Variants in CAMSAP2 observed in about 807,000 individuals in gnomAD.
CAMSAP2 encodes the protein calmodulin regulated spectrin associated protein family member 2.
Under a neutral mutation model 146.1 loss-of-function variants are expected in CAMSAP2, and 26 were observed. The observed-to-expected ratio is 0.18, with a 90% CI of 0.13 to 0.25. The LOEUF (loss-of-function observed/expected upper bound fraction) is 0.25. CAMSAP2 is among the 10% of genes least tolerant of loss of function. The pLI is 1.00. For missense variants in CAMSAP2, 1,381 were observed against 1,759.3 expected (o/e 0.78, Z 3.85); for synonymous variants, 499 against 596.6 (o/e 0.84, Z 2.38).
chr1:200,799,998 T>G (rs1386218655), intron 2 of CAMSAP2, among the ~76,000 whole-genome samples: 1 of 152,208 alleles, frequency 6.6e-6, no homozygotes, highest in Non-Finnish European at 1.5e-5. Context: ...TTCTTAACCT[T>G]GAGTCCTAAT....
chr1:200,771,097 C>T (rs1665104078), intron 2 of CAMSAP2, among the ~76,000 whole-genome samples: 1 of 151,932 alleles, frequency 6.6e-6, no homozygotes, highest in African/African-American at 2.4e-5. Flanking sequence ...GGATGTCAAA[C>T]ACTGAGAGGC....
chr1:200,788,495 AC>A (rs775184254), intron 2 of CAMSAP2, among the ~76,000 whole-genome samples: 20 of 152,122 alleles, frequency 1.3e-4, no homozygotes, highest in Non-Finnish European at 1.8e-4. Flanking sequence ...TTGGATTCCC[AC>A]TAGCAGTGAA....
intron 1 of CAMSAP2, among the ~76,000 whole-genome samples, chr1:200,745,955 G>A (rs1664309272): frequency 6.6e-6 from 1 of 152,152 alleles, no homozygotes; most frequent in Non-Finnish European, 1.5e-5. Context: ...CAGTTAAAAA[G>A]TTTTTAAAAA....
rs1433533815 is a variant in CAMSAP2 at position 200,816,914 on chromosome 1, GTA to G, written c.645+1272_645+1273del. On this transcript the variant is annotated intron_variant, in intron 4 of 16. Coordinates refer to ENST00000358823, the MANE Select transcript of CAMSAP2 (RefSeq NM_203459.4). ...TATGTGTGTACACACACACGCGTGTGTATGTGTGTACACACACACGCGTGTGT... is the reference window on the plus strand; with the variant it reads ...TATGTGTGTACACACACACGCGTGTGTGTGTGTACACACACACGCGTGTGT... Among the ~76,000 whole-genome samples, 2 of 61,612 alleles carry G rather than the reference GTA, an allele frequency of 3.2e-5. 1 individual carries two copies. The highest frequency in any genetic ancestry group is 6.7e-5 in the Non-Finnish European group (2 of 29,788). 40.4% of individuals were successfully genotyped at this position (61,612 alleles called of 152,430 possible). A position where few individuals can be genotyped will look rare whatever the true frequency, so the allele number is the denominator to read the frequency against.
intron 2 of CAMSAP2, among the ~76,000 whole-genome samples, chr1:200,787,525 G>T (rs745779915): frequency 6.6e-6 from 1 of 152,196 alleles, no homozygotes; most frequent in African/African-American, 2.4e-5. Context: ...ATGAGGAGTT[G>T]CTTCTTACAG....
chr1:200,783,326 A>G (rs1665493048), intron 2 of CAMSAP2, among the ~76,000 whole-genome samples: 1 of 152,172 alleles, frequency 6.6e-6, no homozygotes, highest in African/African-American at 2.4e-5. Context: ...CTGGTCATTC[A>G]TACATCTTTT....
In CAMSAP2 at chr1:200,832,735, G is replaced by A; in HGVS notation, c.817G>A (p.Ala273Thr). The A allele has an allele frequency of 1.2e-6, 2 of 1,607,924 alleles. No homozygotes were observed. The highest frequency in any genetic ancestry group is 1.7e-6 in the Non-Finnish European group (2 of 1,177,500). Residue 273 changes from alanine (A) to threonine (T), a missense_variant, in exon 6 of 17, where the codon GCT becomes ACT. Physicochemically the swap from Ala to Thr is moderately conservative, Grantham distance 58. Around this residue, in one of 4 missense-constraint regions of CAMSAP2, gnomAD observed 284 missense variants for 406.9 expected, o/e 0.70. Coordinates refer to ENST00000358823, the MANE Select transcript of CAMSAP2 (RefSeq NM_203459.4). The surrounding 1 kb of genome is among the most constrained non-coding windows in gnomAD (Gnocchi z 4.2). ...DICLKETMSL[A>T]DSLYNLQLIQ... ...TTGTTTGAAAGAAACTATGTCTTTGGCTGATAGCCTGTATAATCTGCAGCT... is the reference window on the plus strand; with the variant it reads ...TTGTTTGAAAGAAACTATGTCTTTGACTGATAGCCTGTATAATCTGCAGCT...
intron 4 of CAMSAP2, among the ~76,000 whole-genome samples, chr1:200,824,798 G>C (rs1289157630): frequency 6.6e-6 from 1 of 152,154 alleles, no homozygotes; most frequent in Non-Finnish European, 1.5e-5. Flanking sequence ...GGCCAACATG[G>C]TGAAACCCCG....
intron 1 of CAMSAP2, among the ~76,000 whole-genome samples, chr1:200,751,715 A>G (rs1311089039): frequency 6.6e-6 from 1 of 152,178 alleles, no homozygotes; most frequent in Non-Finnish European, 1.5e-5. Context: ...AGTAAGGATG[A>G]AAAGATGGTG....
In CAMSAP2 at chr1:200,847,759, A is replaced by G. The variant is rs147992042; in HGVS notation, c.1262+50A>G. 7.8e-5 allele frequency: 111 copies of G among 1,428,788 alleles called. No individual in the cohort carries two copies. In the African/African-American group the frequency reaches 1.4e-3, roughly 18 times the overall value. 88.5% of individuals were successfully genotyped at this position (1,428,788 alleles called of 1,614,324 possible). On this transcript the variant is annotated intron_variant, in intron 10 of 16. Coordinates refer to ENST00000358823, the MANE Select transcript of CAMSAP2 (RefSeq NM_203459.4). The stretch of plus-strand genomic sequence containing the variant: ...TGTATTCAGATTATTAAGAAATGCA[A>G]ATTGCATCTGTGTCTCTCTTTTATT...
intron 3 of CAMSAP2, among the ~76,000 whole-genome samples, chr1:200,808,397 C>G (rs1273714335): frequency 6.6e-6 from 1 of 152,162 alleles, no homozygotes; most frequent in Non-Finnish European, 1.5e-5. Context: ...AAAATTAAAC[C>G]TTATCTGAAG....
intron 3 of CAMSAP2, among the ~76,000 whole-genome samples, chr1:200,812,864 A>G (rs528050714): frequency 2.0e-4 from 31 of 152,254 alleles, no homozygotes; most frequent in African/African-American, 6.0e-4. Flanking sequence ...TGGGTTCACT[A>G]TGTCATTCTG....
chr1:200,854,809 T>A lies in CAMSAP2; in HGVS notation c.3824-8T>A. The A allele has an allele frequency of 1.9e-6, 3 of 1,604,968 alleles. No homozygotes were observed. The highest frequency in any genetic ancestry group is 2.5e-6 in the Non-Finnish European group (3 of 1,176,496). ...ATTCAGGATCATGAATTTATCGTGT[T>A]TTTTCAGTCTCTAGCCTTTCTTTGG... On this transcript the variant is annotated splice_polypyrimidine_tract_variant and splice_region_variant and intron_variant, in intron 13 of 16. Transcript: ENST00000358823.
intron 11 of CAMSAP2, among the ~76,000 whole-genome samples, chr1:200,851,996 G>A (rs954811587): frequency 1.3e-5 from 2 of 152,192 alleles, no homozygotes; most frequent in Non-Finnish European, 2.9e-5. Flanking sequence ...CTGTAGAAGG[G>A]AAGTATAATC....
At chr1:200,764,325 A>C (rs1301411182) in intron 2 of CAMSAP2, among the ~76,000 whole-genome samples, 7 of 152,206 alleles carry the variant, frequency 4.6e-5, no homozygotes, top group African/African-American at 9.6e-5. Flanking sequence ...AAATAATGTT[A>C]GTACTAATTC....
intron 7 of CAMSAP2, among the ~76,000 whole-genome samples, 194 bp from the exon 8 acceptor site, chr1:200,844,586 AGT>A (rs1203833837): frequency 3.3e-5 from 5 of 152,162 alleles, no homozygotes; most frequent in Non-Finnish European, 7.3e-5. Context: ...TTTGAAATTA[AGT>A]CTGAATACTT....
At chr1:200,847,526 C>A in intron 9 of CAMSAP2, 114 bp from the exon 10 acceptor site, 1 of 850,814 alleles carries the variant, frequency 1.2e-6, no homozygotes, top group Non-Finnish European at 1.9e-6. Context: ...TCCTTATGTA[C>A]CTATTTAATT....
At chr1:200,783,117 A>G (rs1665486614) in intron 2 of CAMSAP2, among the ~76,000 whole-genome samples, 3 of 152,064 alleles carry the variant, frequency 2.0e-5, no homozygotes, top group African/African-American at 7.2e-5. Context: ...TTAAGCTATC[A>G]AGCAATTTTC....
chr1:200,824,978 C>CAAAT (rs532222491), intron 4 of CAMSAP2, among the ~76,000 whole-genome samples: 8 of 151,590 alleles, frequency 5.3e-5, no homozygotes, highest in East Asian at 3.9e-4. Context: ...GACTCTGTCT[C>CAAAT]AAATAAATAA....
Sources: allele counts gnomAD v4.1 joint callset (sites outside exome capture counted in the v4.1 genomes callset), GRCh38; gene constraint gnomAD v4.1.1; regional missense constraint gnomAD v4.1.1; non-coding constraint Gnocchi (gnomAD v3.1); transcripts MANE v1.5; gene names NCBI Gene and HGNC (gene_info 2026-07-23, HGNC 2026-07-21).